CA10: variants seen among roughly 807,000 people sequenced by gnomAD.
CA10 encodes the protein carbonic anhydrase-related protein 10.
A neutral mutation model predicts 44.2 loss-of-function variants in CA10; 14 were observed. That is an observed-to-expected ratio of 0.32 (90% CI 0.21 to 0.50). CA10 has a LOEUF of 0.50. Among genes scored for constraint, CA10 ranks in the 20% least tolerant of loss-of-function variants. The pLI is 0.99. For synonymous variants in CA10, 159 were observed against 141.6 expected (o/e 1.12, Z -0.87); for missense variants, 350 against 409.7 (o/e 0.85, Z 1.26).
At chr17:51,759,495 T>G (rs1180020271) in intron 3 of CA10, among the ~76,000 whole-genome samples, 1 of 60,426 alleles carries the variant, frequency 1.7e-5, no homozygotes, top group African/African-American at 3.4e-5. Flanking sequence ...TTTAATATAT[T>G]TATTTTTTTT....
At chr17:52,064,490 C>G (rs914720758) in intron 2 of CA10, among the ~76,000 whole-genome samples, 12 of 152,098 alleles carry the variant, frequency 7.9e-5, no homozygotes, top group Admixed American at 1.3e-4. Context: ...GTAACCCTCA[C>G]CAACCAGCCA....
At chr17:51,754,462 G>C (rs1156267692) in intron 3 of CA10, among the ~76,000 whole-genome samples, 36 of 129,968 alleles carry the variant, frequency 2.8e-4, no homozygotes, top group African/African-American at 9.9e-4. Context: ...GTAAAATAAA[G>C]AGATTTTAAG....
At chr17:51,907,211 T>C (rs1026173784) in intron 3 of CA10, among the ~76,000 whole-genome samples, 3 of 152,128 alleles carry the variant, frequency 2.0e-5, no homozygotes, top group African/African-American at 7.2e-5. Context: ...GTTTATGGAA[T>C]GTGCCAAGTC....
At chr17:52,031,037 C>G (rs773371578) in intron 2 of CA10, among the ~76,000 whole-genome samples, 6 of 152,094 alleles carry the variant, frequency 3.9e-5, no homozygotes, top group Admixed American at 3.3e-4. Context: ...TCTCATTTAT[C>G]CATACATATT....
At chr17:51,666,509 C>T (rs947344113) in intron 4 of CA10, among the ~76,000 whole-genome samples, 34 of 152,158 alleles carry the variant, frequency 2.2e-4, no homozygotes, top group African/African-American at 7.2e-4. Context: ...TTTACTGTAG[C>T]GCCTTTTCTC....
At chr17:51,912,328 C>T (rs769102442) in intron 3 of CA10, among the ~76,000 whole-genome samples, 34 of 152,076 alleles carry the variant, frequency 2.2e-4, no homozygotes, top group Non-Finnish European at 3.7e-4. Context: ...AAAATATTAG[C>T]TCCAGTCTAC....
chr17:51,865,516 C>T (rs1332207546), intron 3 of CA10, among the ~76,000 whole-genome samples: 1 of 152,168 alleles, frequency 6.6e-6, no homozygotes, highest in African/African-American at 2.4e-5. Flanking sequence ...TGGACATGTT[C>T]CTTAAGCTGC....
Position 52,072,342 on chromosome 17 carries a change from A to T in CA10, c.113T>A (p.Val38Glu), listed in dbSNP as rs770678736. 83 of 1,612,842 alleles carry T rather than the reference A, an allele frequency of 5.1e-5. No individual in the cohort carries two copies. Among genetic ancestry groups the T allele is most frequent in the Non-Finnish European group, 6.4e-5 (76 of 1,179,094 alleles). ...IHEGWWAYKE[V>E]VQGSFVPVPS... ...ACCTGGAACAAAGCTTCCCTGGACCACCTCCTTGTATGCCCACCAGCCTTC... is the reference window on the plus strand; with the variant it reads ...ACCTGGAACAAAGCTTCCCTGGACCTCCTCCTTGTATGCCCACCAGCCTTC... The change falls in exon 2 of 9, where the codon GTG becomes GAG. Residue 38 changes from valine to glutamate, a missense_variant. By Grantham distance (121) the Val-to-Glu change is moderately radical. Coordinates refer to ENST00000451037, the MANE Select transcript of CA10 (RefSeq NM_020178.5).
At chr17:52,090,771 A>T (rs978229307) in intron 1 of CA10, among the ~76,000 whole-genome samples, 1 of 152,158 alleles carries the variant, frequency 6.6e-6, no homozygotes, top group African/African-American at 2.4e-5. Flanking sequence ...CAGAGAAATT[A>T]AAATAAATTC....
chr17:52,133,767 T>C (rs577351074), intron 1 of CA10, among the ~76,000 whole-genome samples: 2 of 152,346 alleles, frequency 1.3e-5, no homozygotes, highest in East Asian at 1.9e-4. Context: ...CTGGATATTA[T>C]AGCCACTCAT....
At chr17:51,820,858 G>C (rs995309249) in intron 3 of CA10, among the ~76,000 whole-genome samples, 2 of 152,050 alleles carry the variant, frequency 1.3e-5, no homozygotes, top group African/African-American at 4.8e-5. Context: ...ACCACAAACT[G>C]GATGCAGAAG....
intron 3 of CA10, among the ~76,000 whole-genome samples, chr17:51,831,732 G>GCAGCAGCAGCAGCAGCAGCAGCAGCAGC (rs1567854679): frequency 9.1e-4 from 132 of 145,814 alleles, no homozygotes; most frequent in Middle Eastern, 7.0e-3. Context: ...AGCAGCAGCA[G>GCAGCAGCAGCAGCAGCAGCAGCAGCAGC]AAAAAGACCT....
At chr17:52,094,061 G>T (rs1157341842) in intron 1 of CA10, among the ~76,000 whole-genome samples, 3 of 152,002 alleles carry the variant, frequency 2.0e-5, no homozygotes, top group Non-Finnish European at 4.4e-5. Context: ...ACCAAACACC[G>T]CATGTTCTCA....
intron 4 of CA10, among the ~76,000 whole-genome samples, chr17:51,672,581 C>T (rs1358924381): frequency 6.6e-6 from 1 of 152,176 alleles, no homozygotes; most frequent in Non-Finnish European, 1.5e-5. Flanking sequence ...TACCCAATAT[C>T]TCACTTTTCT....
chr17:52,136,023 A>G (rs1989349732), intron 1 of CA10, among the ~76,000 whole-genome samples: 1 of 152,220 alleles, frequency 6.6e-6, no homozygotes. Context: ...CTTGCATAAT[A>G]CTGCTTAAAA....
intron 1 of CA10, among the ~76,000 whole-genome samples, chr17:52,092,572 A>G (rs1202286974): frequency 2.6e-5 from 4 of 152,232 alleles, no homozygotes; most frequent in South Asian, 2.1e-4. Flanking sequence ...TGGGAAATCC[A>G]TGGCCTAAGA....
chr17:51,856,361 AAACAAC>A (rs3033577), intron 3 of CA10, among the ~76,000 whole-genome samples: 28,800 of 150,412 alleles, frequency 0.19, 5,087 homozygotes, highest in African/African-American at 0.48. Context: ...CATTTCAGTA[AAACAAC>A]AACAACAACA....
At chr17:51,915,536 A>T (rs1015642118) in intron 3 of CA10, among the ~76,000 whole-genome samples, 11 of 152,206 alleles carry the variant, frequency 7.2e-5, no homozygotes, top group African/African-American at 2.7e-4. Context: ...CCAACAACAC[A>T]GAACAGTTTG....
intron 3 of CA10, among the ~76,000 whole-genome samples, chr17:51,849,146 TATA>T (rs1185695037): frequency 1.4e-5 from 2 of 139,440 alleles, no homozygotes; most frequent in African/African-American, 2.6e-5. Context: ...CTTAGTTTTT[TATA>T]TATATACATA....
Sources: allele counts gnomAD v4.1 joint callset (sites outside exome capture counted in the v4.1 genomes callset), GRCh38; gene constraint gnomAD v4.1.1; transcripts MANE v1.5; gene names NCBI Gene and HGNC (gene_info 2026-07-23, HGNC 2026-07-21).